Variants in TMEM230 observed in about 807,000 individuals in gnomAD.
TMEM230 encodes the protein UPF0414 transmembrane protein C20orf30.
A neutral mutation model predicts 15.8 loss-of-function variants in TMEM230; 10 were observed. The observed-to-expected ratio is 0.63, with a 90% confidence interval of 0.39 to 1.07. The LOEUF is 1.07. Among genes scored for constraint, TMEM230 ranks in the 50% least tolerant of loss-of-function variants. The pLI is 0.01. For missense variants in TMEM230, 165 were observed against 193.3 expected (o/e 0.85, Z 0.87); for synonymous variants, 67 against 76.9 (o/e 0.87, Z 0.68).
At chr20:5,096,716 T>A (rs1337675468), downstream of TMEM230, among the ~76,000 whole-genome samples, 1 of 152,188 alleles carries the variant, frequency 6.6e-6, no homozygotes, top group Non-Finnish European at 1.5e-5. Context: ...GCTAGGCAGC[T>A]GGTGGAAGGC....
At chr20:5,098,222 G>A (rs1483952708), downstream of TMEM230, among the ~76,000 whole-genome samples, 3 of 151,762 alleles carry the variant, frequency 2.0e-5, no homozygotes, top group Non-Finnish European at 2.9e-5. Context: ...TGATCCGCCC[G>A]CCTCGGGCTC....
chr20:5,098,877 A>C (rs2089744971), downstream of TMEM230, among the ~76,000 whole-genome samples: 1 of 152,130 alleles, frequency 6.6e-6, no homozygotes, highest in Admixed American at 6.6e-5. Flanking sequence ...ATGTGCTTAG[A>C]GCATTTCAGG....
chr20:5,107,007 C>A (rs531079080), intron 3 of TMEM230, among the ~76,000 whole-genome samples: 235 of 152,290 alleles, frequency 1.5e-3, no homozygotes, highest in Non-Finnish European at 3.0e-3. Flanking sequence ...CAAGCCCAGT[C>A]TCAAACACTT....
chr20:5,111,650 C>CAA (rs2090330411), intron 1 of TMEM230: 1 of 87,002 alleles, frequency 1.1e-5, no homozygotes, highest in African/African-American at 4.0e-5. Flanking sequence ...AAAAAAAATT[C>CAA]AGTATTTCAA....
intron 3 of TMEM230, among the ~76,000 whole-genome samples, chr20:5,086,585 A>G (rs1355708555): frequency 1.3e-5 from 2 of 151,156 alleles, no homozygotes; most frequent in African/African-American, 4.8e-5. Context: ...AAGTATCTGT[A>G]TATATTTTTA....
chr20:5,113,024 T>C lies in TMEM230; in HGVS notation c.5A>G (p.Gln2Arg). The change falls in exon 1 of 5, where the codon CAA (glutamine) becomes CGA (arginine). Residue 2 changes from glutamine (Q) to arginine (R), a missense_variant. Coordinates refer to ENST00000342308, the MANE Select transcript of TMEM230 (RefSeq NM_001009923.2). ...GCCCACGGTTGGCAGCGCCCAAGGT[T>C]GCATGGCATGGCCCGCTTAAGTGCC... The C allele has an allele frequency of 2.6e-6, 4 of 1,548,098 alleles. No individual in the cohort carries two copies. Among genetic ancestry groups the C allele is most frequent in the Non-Finnish European group, 3.5e-6 (4 of 1,146,946 alleles).
At chr20:5,067,409 T>TTATATATA (rs1198250490), downstream of TMEM230, 4 of 73,810 alleles carry the variant, frequency 5.4e-5, no homozygotes, top group South Asian at 4.6e-4. Flanking sequence ...GTGTTTAGGC[T>TTATATATA]CATATATATA....
chr20:5,111,763 C>A, intron 1 of TMEM230: 1 of 980,868 alleles, frequency 1.0e-6, no homozygotes, highest in Non-Finnish European at 1.2e-6. Context: ...TTAGTACTTA[C>A]CTAGTCTTTG....
In TMEM230 at chr20:5,075,354, C is replaced by A. The variant is rs138543218; in HGVS notation, c.223-6005G>T. 8.0e-3 allele frequency among the ~76,000 whole-genome samples: 1,217 copies of A among 151,806 alleles called. 9 individuals carry two copies. Among genetic ancestry groups the A allele is most frequent in the Middle Eastern group, 0.037 (11 of 294 alleles). Reference sequence around the variant, plus strand: ...TGCTGGGATTACAGGCGTAAGCCACCGCGCCCGGCCTAAAATGGTACATTT... The same window carrying A: ...TGCTGGGATTACAGGCGTAAGCCACAGCGCCCGGCCTAAAATGGTACATTT... On this transcript the variant is annotated intron_variant, in intron 3 of 3. Coordinates refer to the TMEM230 transcript ENST00000612323.
At chr20:5,081,979 T>G (rs1408269140) in intron 3 of TMEM230, among the ~76,000 whole-genome samples, 1 of 150,068 alleles carries the variant, frequency 6.7e-6, no homozygotes, top group African/African-American at 2.5e-5. Flanking sequence ...GTTCAAGCAA[T>G]TCTCCTGCCT....
At chr20:5,093,029 C>T (rs2089555090) in intron 3 of TMEM230, among the ~76,000 whole-genome samples, 1 of 151,938 alleles carries the variant, frequency 6.6e-6, no homozygotes, top group Non-Finnish European at 1.5e-5. Context: ...AATGACAGGC[C>T]TCCAAATTGG....
In TMEM230 at chr20:5,106,282, T is replaced by A; in HGVS notation, c.317A>T (p.Tyr106Phe). 6.2e-7 allele frequency: 1 copy of A among 1,612,492 alleles called. No individual in the cohort carries two copies. Among genetic ancestry groups the A allele is most frequent in the East Asian group, 2.2e-5 (1 of 44,838 alleles). Reference sequence around the variant, plus strand: ...CACAGTGGCAAGTGCGATGGCCTTATAAGGGATCTTAGGAGGGGTTTTCTT... The same window carrying A: ...CACAGTGGCAAGTGCGATGGCCTTAAAAGGGATCTTAGGAGGGGTTTTCTT... Residue 106 changes from tyrosine (Y) to phenylalanine (F), a missense_variant, in exon 4 of 5, where the codon TAT (tyrosine) becomes TTT (phenylalanine). By Grantham distance (22) the Tyr-to-Phe change is conservative (BLOSUM62 3). Coordinates refer to ENST00000342308, the MANE Select transcript of TMEM230 (RefSeq NM_001009923.2).
At chr20:5,069,006 T>C in exon 4 of TMEM230, 1 of 589,902 alleles carries the variant, frequency 1.7e-6, no homozygotes, top group Non-Finnish European at 2.9e-6. Context: ...AGAGGGCAGC[T>C]GGAATTCCTT....
chr20:5,084,453 A>C (rs1276574152), intron 3 of TMEM230, among the ~76,000 whole-genome samples: 4 of 151,612 alleles, frequency 2.6e-5, no homozygotes, highest in African/African-American at 9.7e-5. Context: ...TGAACTCCTG[A>C]CCTCGTGATC....
At chr20:5,087,326 A>G (rs1176598338) in intron 3 of TMEM230, among the ~76,000 whole-genome samples, 3 of 151,858 alleles carry the variant, frequency 2.0e-5, no homozygotes, top group Non-Finnish European at 2.9e-5. Flanking sequence ...CTTCACTCCA[A>G]AGTATCAATT....
chr20:5,081,015 A>C (rs2089160385), intron 3 of TMEM230, among the ~76,000 whole-genome samples: 1 of 152,232 alleles, frequency 6.6e-6, no homozygotes, highest in Non-Finnish European at 1.5e-5. Flanking sequence ...ATGTTGTCAC[A>C]ATATCCAAGT....
intron 3 of TMEM230, among the ~76,000 whole-genome samples, chr20:5,083,613 C>T (rs8117967): frequency 0.067 from 10,254 of 152,112 alleles, 926 homozygotes; most frequent in African/African-American, 0.21. Flanking sequence ...AATTTATTTA[C>T]AATCTTAAAA....
chr20:5,094,413 A>T (rs56198592), intron 3 of TMEM230, among the ~76,000 whole-genome samples: 102,524 of 150,078 alleles, frequency 0.68, 35,775 homozygotes, highest in East Asian at 0.84. Context: ...GCTAATTTTT[A>T]AAAAAAAATT....
At chr20:5,067,410 C>CTCAT (rs2088678317), downstream of TMEM230, 1 of 102,314 alleles carries the variant, frequency 9.8e-6, no homozygotes, top group Admixed American at 1.1e-4. Flanking sequence ...TGTTTAGGCT[C>CTCAT]ATATATATAT....
Sources: gnomAD v4.1 joint callset for allele counts (sites outside exome capture counted in the v4.1 genomes callset) on GRCh38, gnomAD v4.1.1 for gene constraint, MANE v1.5 for transcripts, NCBI Gene and HGNC (gene_info 2026-07-23, HGNC 2026-07-21) for gene names.